MYO3B: variants seen among roughly 807,000 people sequenced by gnomAD.
MYO3B encodes myosin IIIB.
In MYO3B, 156 loss-of-function variants were observed where a neutral mutation model predicts 174.6. That is an observed-to-expected ratio of 0.89 (90% confidence interval 0.78 to 1.02). The LOEUF (loss-of-function observed/expected upper bound fraction) is 1.02, where lower values mean the gene tolerates loss of function less well. Ranked by LOEUF, MYO3B falls within the 50% of genes least tolerant of loss-of-function variation. The probability of loss-of-function intolerance (pLI) is 0.00; values close to 1 mark genes in which losing one functional copy is unlikely to be tolerated. For synonymous variants in MYO3B, 563 were observed against 569.1 expected (o/e 0.99, Z 0.15); for missense variants, 1,632 against 1,639.4 (o/e 1.00, Z 0.08).
chr2:170,179,282 A>T (rs1031726588), intron 1 of MYO3B, among the ~76,000 whole-genome samples: 22 of 152,228 alleles, frequency 1.4e-4, no homozygotes, highest in African/African-American at 4.8e-4. Context: ...TGGGAAAATT[A>T]GGAAAGGCCT....
At chr2:170,225,046 A>G (rs953490080) in intron 6 of MYO3B, among the ~76,000 whole-genome samples, 5 of 152,250 alleles carry the variant, frequency 3.3e-5, no homozygotes, top group African/African-American at 2.4e-5. Context: ...ATACAACACT[A>G]TAGAGTTGAA....
chr2:170,226,599 G>A (rs991097896), intron 6 of MYO3B, among the ~76,000 whole-genome samples: 3 of 152,188 alleles, frequency 2.0e-5, no homozygotes, highest in Non-Finnish European at 4.4e-5. Context: ...GTTGAGTCAT[G>A]TGTCATATGT....
At chr2:170,341,714 T>C (rs1191371458) in intron 8 of MYO3B, among the ~76,000 whole-genome samples, 1 of 152,172 alleles carries the variant, frequency 6.6e-6, no homozygotes, top group Non-Finnish European at 1.5e-5. Context: ...AATATACTTA[T>C]AAATGCAACT....
At chr2:170,301,636 T>C (rs1458416002) in intron 7 of MYO3B, among the ~76,000 whole-genome samples, 1 of 152,052 alleles carries the variant, frequency 6.6e-6, no homozygotes, top group Non-Finnish European at 1.5e-5. Flanking sequence ...AACAAAACAA[T>C]GGCTGGGAGT....
At chr2:170,282,293 T>C (rs1442734806) in intron 7 of MYO3B, among the ~76,000 whole-genome samples, 1 of 152,144 alleles carries the variant, frequency 6.6e-6, no homozygotes, top group East Asian at 1.9e-4. Flanking sequence ...TGTTGAGAGA[T>C]AGGGTTCTAG....
chr2:170,424,179 T>C (rs2094642140), intron 22 of MYO3B, among the ~76,000 whole-genome samples: 2 of 152,224 alleles, frequency 1.3e-5, no homozygotes, highest in Non-Finnish European at 2.9e-5. Context: ...TCAAGAATCA[T>C]GTGGGACCTG....
intron 30 of MYO3B, among the ~76,000 whole-genome samples, chr2:170,523,806 C>T (rs1168140811): frequency 6.6e-6 from 1 of 152,196 alleles, no homozygotes; most frequent in African/African-American, 2.4e-5. Flanking sequence ...TCAGGAGTCT[C>T]TCTCCATTTG....
At chr2:170,478,146 G>A (rs1469140509) in intron 25 of MYO3B, among the ~76,000 whole-genome samples, 1 of 152,070 alleles carries the variant, frequency 6.6e-6, no homozygotes, top group African/African-American at 2.4e-5. Context: ...GACCTGACCT[G>A]GGTCCCGTGA....
chr2:170,183,864 T>G (rs2105304506), intron 1 of MYO3B, among the ~76,000 whole-genome samples: 1 of 146,694 alleles, frequency 6.8e-6, no homozygotes, highest in South Asian at 2.3e-4. Flanking sequence ...AATTAACCCA[T>G]TTGAATTTTT....
chr2:170,250,732 T>C (rs2093242819), intron 7 of MYO3B, among the ~76,000 whole-genome samples: 2 of 152,034 alleles, frequency 1.3e-5, no homozygotes, highest in African/African-American at 4.8e-5. Flanking sequence ...AAATGTTGAA[T>C]GTGGGGTTTT....
At chr2:170,493,067 C>A (rs1242781525) in intron 25 of MYO3B, among the ~76,000 whole-genome samples, 3 of 152,160 alleles carry the variant, frequency 2.0e-5, no homozygotes, top group African/African-American at 7.2e-5. Context: ...GTTAAATCGG[C>A]CAAGAAATTA....
intron 1 of MYO3B, among the ~76,000 whole-genome samples, chr2:170,193,905 C>T (rs553494227): frequency 6.6e-6 from 1 of 152,000 alleles, no homozygotes; most frequent in East Asian, 1.9e-4. Flanking sequence ...GAATTTTCAC[C>T]CTTATTTTTC....
chr2:170,398,423 A>G (rs2094453948), intron 16 of MYO3B, among the ~76,000 whole-genome samples: 1 of 152,030 alleles, frequency 6.6e-6, no homozygotes, highest in South Asian at 2.1e-4. Context: ...AGGTTCCATT[A>G]TATTCACATG....
intron 7 of MYO3B, among the ~76,000 whole-genome samples, chr2:170,285,272 GT>G (rs894574901): frequency 2.8e-4 from 43 of 151,464 alleles, no homozygotes; most frequent in East Asian, 2.1e-3. Context: ...ATTCCAAAGG[GT>G]TTTTTTTGTC....
At chr2:170,587,285 A>G (rs776670645) in intron 32 of MYO3B, among the ~76,000 whole-genome samples, 2 of 152,198 alleles carry the variant, frequency 1.3e-5, no homozygotes, top group Non-Finnish European at 2.9e-5. Context: ...CAGCAGCCTC[A>G]TACATCTTGT....
intron 6 of MYO3B, among the ~76,000 whole-genome samples, chr2:170,235,725 TC>T (rs2093062437): frequency 6.6e-6 from 1 of 152,228 alleles, no homozygotes; most frequent in Admixed American, 6.5e-5. Flanking sequence ...ATCCGCTTCC[TC>T]CCCTTGCACT....
chr2:170,593,287 G>C (rs565062956), intron 32 of MYO3B, among the ~76,000 whole-genome samples: 10 of 152,232 alleles, frequency 6.6e-5, no homozygotes, highest in Admixed American at 3.9e-4. Context: ...ATTTTTTGTA[G>C]GGACAAGGTC....
chr2:170,460,055 C>T (rs949864203), intron 23 of MYO3B, among the ~76,000 whole-genome samples: 2 of 152,110 alleles, frequency 1.3e-5, no homozygotes, highest in Non-Finnish European at 2.9e-5. Context: ...CCTCGGCCAG[C>T]CCAGAGAGGG....
chr2:170,295,127 A>G (rs991221009), intron 7 of MYO3B, among the ~76,000 whole-genome samples: 1 of 151,818 alleles, frequency 6.6e-6, no homozygotes, highest in Non-Finnish European at 1.5e-5. Flanking sequence ...TTTGTCTTAT[A>G]TCTTATTAAA....
Sources: allele counts gnomAD v4.1 joint callset (sites outside exome capture counted in the v4.1 genomes callset), GRCh38; gene constraint gnomAD v4.1.1; transcripts MANE v1.5; gene names NCBI Gene and HGNC (gene_info 2026-07-23, HGNC 2026-07-21).